USP6NL: variants seen among roughly 807,000 people sequenced by gnomAD.
USP6NL encodes USP6 N-terminal like, also known as USP6 N-terminal-like protein.
A neutral mutation model predicts 61.9 loss-of-function variants in USP6NL; 26 were observed. The ratio of observed to expected loss-of-function variants is 0.42; its 90% CI spans 0.31 to 0.58. The LOEUF (loss-of-function observed/expected upper bound fraction) is 0.58. Ranked by LOEUF, USP6NL falls within the 20% of genes least tolerant of loss-of-function variation. The pLI is 0.16. For synonymous variants in USP6NL, 432 were observed against 390.1 expected, an observed-to-expected ratio of 1.11 and a Z score of -1.27; for missense variants, 1,114 against 1,034.3, an observed-to-expected ratio of 1.08 and a Z score of -1.06.
intron 2 of USP6NL, among the ~76,000 whole-genome samples, chr10:11,551,849 T>C (rs1294579646): frequency 2.0e-5 from 3 of 152,228 alleles, no homozygotes; most frequent in African/African-American, 4.8e-5. Flanking sequence ...TATCAAATTA[T>C]TCTTTGAAAT....
At chr10:11,473,598 C>T (rs1288814465) in intron 14 of USP6NL, among the ~76,000 whole-genome samples, 1 of 152,154 alleles carries the variant, frequency 6.6e-6, no homozygotes, top group African/African-American at 2.4e-5. Flanking sequence ...CCGATTAGAG[C>T]TGTGAGCTGC....
At chr10:11,604,681 C>T (rs764935605) in intron 1 of USP6NL, among the ~76,000 whole-genome samples, 33 of 152,098 alleles carry the variant, frequency 2.2e-4, no homozygotes, top group Non-Finnish European at 2.9e-4. Context: ...CTCAGTATCT[C>T]CAAAGAACAA....
At chr10:11,555,433 A>AAAATATATATATATATAT (rs1275798295) in intron 2 of USP6NL, among the ~76,000 whole-genome samples, 1 of 49,030 alleles carries the variant, frequency 2.0e-5, no homozygotes, top group African/African-American at 9.4e-5. Context: ...AAAAAAAAAA[A>AAAATATATATATATATAT]ATATATATAT....
chr10:11,566,370 C>T (rs1837157193), intron 2 of USP6NL, among the ~76,000 whole-genome samples: 1 of 152,206 alleles, frequency 6.6e-6, no homozygotes, highest in African/African-American at 2.4e-5. Context: ...GAACACCACG[C>T]ATATTTGTTT....
At chr10:11,498,663 C>A (rs1320906506) in intron 7 of USP6NL, among the ~76,000 whole-genome samples, 1 of 152,112 alleles carries the variant, frequency 6.6e-6, no homozygotes, top group Non-Finnish European at 1.5e-5. Flanking sequence ...AAAGTAGGTA[C>A]TTTATTTTAA....
chr10:11,463,459 G>A lies in USP6NL; in HGVS notation c.1469C>T (p.Pro490Leu), dbSNP rs773663092. 1.7e-5 allele frequency: 27 copies of A among 1,613,948 alleles called. No homozygotes were observed. The highest frequency in any genetic ancestry group is 3.3e-5 in the Admixed American group (2 of 60,008). ...TCTCTCTGTAGCTGAGACGTCTGAC[G>A]GTTTATTCCATTTGGGCACAAACTC... ...RKEFVPKWNK[P>L]SDVSATERTA... The change falls in exon 15 of 15, where the codon CCG becomes CTG. Residue 490 changes from proline (P) to leucine (L), a missense_variant. By Grantham distance (98) the Pro-to-Leu change is moderately conservative (BLOSUM62 -3). Coordinates refer to ENST00000609104, the MANE Select transcript of USP6NL (RefSeq NM_014688.5). This position sits in a 1 kb window ranked among gnomAD's most constrained non-coding sequence, Gnocchi z 6.3.
chr10:11,469,446 G>A lies in USP6NL; in HGVS notation c.1079-5597C>T, dbSNP rs147573953. On this transcript the variant is annotated intron_variant, in intron 14 of 14. Transcript: ENST00000609104. Reference sequence around the variant, plus strand: ...TAAGAAATTAGATGTAGCAGGGTTCGGGGGGGAAGAAATCCAGTACAGACA... The same window carrying A: ...TAAGAAATTAGATGTAGCAGGGTTCAGGGGGGAAGAAATCCAGTACAGACA... Among the ~76,000 whole-genome samples, 25 of 152,206 alleles carry A rather than the reference G, an allele frequency of 1.6e-4. No homozygotes were observed. In the East Asian group the frequency reaches 2.5e-3, roughly 15 times the overall value.
Position 11,509,605 on chromosome 10 carries a change from T to G in USP6NL, c.266A>C (p.Asn89Thr), listed in dbSNP as rs1201821637. Residue 89 changes from asparagine (N) to threonine (T), a missense_variant, in exon 6 of 15, where the codon AAC (asparagine) becomes ACC (threonine). Coordinates refer to ENST00000609104, the MANE Select transcript of USP6NL (RefSeq NM_014688.5). ...ATGATTTTAAATTACCTTTTCAGTG[T>G]TCTTGTATTTTTCCCATCCTTTCAG... ...KMLKGWEKYK[N>T]TEKFHRRIYK... 6.4e-7 allele frequency: 1 copy of G among 1,559,806 alleles called. No individual in the cohort carries two copies. Among genetic ancestry groups the G allele is most frequent in the Non-Finnish European group, 8.7e-7 (1 of 1,151,018 alleles).
rs560793669 is a variant in USP6NL, at chr10:11,482,076, A to G, written c.926-154T>C. ...GGCATTGAGGACATCATTAAAACTC[A>G]GTAAGACAAAAATATTGCCTGATAT... On this transcript the variant is annotated intron_variant, in intron 13 of 14. Coordinates refer to ENST00000609104, the MANE Select transcript of USP6NL (RefSeq NM_014688.5). The surrounding 1 kb of genome is among the most constrained non-coding windows in gnomAD (Gnocchi z 4.0). Among the ~76,000 whole-genome samples, 1 of 152,378 alleles carries G rather than the reference A, an allele frequency of 6.6e-6. No homozygotes were observed. The highest frequency in any genetic ancestry group is 1.5e-5 in the Non-Finnish European group (1 of 68,040).
intron 6 of USP6NL, among the ~76,000 whole-genome samples, chr10:11,502,958 AT>A (rs1358627314): frequency 6.6e-6 from 1 of 152,198 alleles, no homozygotes; most frequent in African/African-American, 2.4e-5. Flanking sequence ...GACTCGCAAC[AT>A]TTGCCACATG....
rs1566103991 is a variant in USP6NL at position 11,460,655 on chromosome 10, A to ATATAT, written c.*1785_*1786insATATA. The ATATAT allele has an allele frequency of 1.6e-5, 2 of 127,252 alleles. No individual in the cohort carries two copies. Among genetic ancestry groups the ATATAT allele is most frequent in the South Asian group, 2.9e-4 (1 of 3,490 alleles). The allele number at this position is 127,252 out of a possible 1,614,324, so 7.9% of individuals were successfully genotyped here. ...TATATATATATATATATATATATATAAAAATCTACAGTATTTACCACTGTT... is the reference window on the plus strand; with the variant it reads ...TATATATATATATATATATATATATATATATAAAATCTACAGTATTTACCACTGTT... On this transcript the variant is annotated 3_prime_UTR_variant, in exon 15 of 15. Coordinates refer to ENST00000609104, the MANE Select transcript of USP6NL (RefSeq NM_014688.5).
At chr10:11,534,156 G>C (rs1362876962) in intron 2 of USP6NL, among the ~76,000 whole-genome samples, 1 of 152,060 alleles carries the variant, frequency 6.6e-6, no homozygotes, top group Non-Finnish European at 1.5e-5. Flanking sequence ...GGTTTAGCCA[G>C]AATCCCCCTA....
chr10:11,584,864 G>A (rs1837911344), intron 2 of USP6NL, among the ~76,000 whole-genome samples: 1 of 151,958 alleles, frequency 6.6e-6, no homozygotes, highest in African/African-American at 2.4e-5. Context: ...CTTGAGCCAG[G>A]GAGGCAGAGA....
intron 2 of USP6NL, among the ~76,000 whole-genome samples, chr10:11,579,761 G>T (rs1463193255): frequency 1.4e-5 from 2 of 144,964 alleles, no homozygotes; most frequent in South Asian, 2.2e-4. Flanking sequence ...TCCCTCATGG[G>T]GGAGATAGAC....
chr10:11,573,023 C>T (rs967616191), intron 2 of USP6NL, among the ~76,000 whole-genome samples: 6 of 149,170 alleles, frequency 4.0e-5, no homozygotes, highest in African/African-American at 1.2e-4. Flanking sequence ...TCTAGACACA[C>T]GCTATGAATA....
At chr10:11,522,818 C>T (rs1412512327) in intron 4 of USP6NL, among the ~76,000 whole-genome samples, 1 of 152,192 alleles carries the variant, frequency 6.6e-6, no homozygotes, top group African/African-American at 2.4e-5. Flanking sequence ...TTCTGTATTT[C>T]TCTTATTTAA....
intron 2 of USP6NL, among the ~76,000 whole-genome samples, chr10:11,551,481 A>C (rs1467385799): frequency 6.6e-6 from 1 of 152,260 alleles, no homozygotes; most frequent in Non-Finnish European, 1.5e-5. Context: ...AGTGCCCGAC[A>C]TCTAATTGGT....
chr10:11,607,700 AT>A (rs1393319505), intron 1 of USP6NL, among the ~76,000 whole-genome samples: 2 of 152,148 alleles, frequency 1.3e-5, no homozygotes, highest in Non-Finnish European at 2.9e-5. Context: ...AAAGGAAAAA[AT>A]AATAATAATA....
chr10:11,511,168 CCTAA>C lies in USP6NL; in HGVS notation c.196-1497_196-1494del, dbSNP rs1450185430. On this transcript the variant is annotated intron_variant, in intron 5 of 14. Coordinates refer to ENST00000609104, the MANE Select transcript of USP6NL (RefSeq NM_014688.5). This position sits in a 1 kb window ranked among gnomAD's most constrained non-coding sequence, Gnocchi z 4.9. ...GGCATATTCTTAAAACTCTCAATTA[CCTAA>C]CTCTTTTTAAAATTTTTGATGGGTT... Among the ~76,000 whole-genome samples the C allele has an allele frequency of 2.0e-5, 3 of 152,174 alleles. No individual in the cohort carries two copies. The highest frequency in any genetic ancestry group is 1.9e-4 in the East Asian group (1 of 5,204).
Sources: gnomAD v4.1 joint callset for allele counts (sites outside exome capture counted in the v4.1 genomes callset) on GRCh38, gnomAD v4.1.1 for gene constraint, Gnocchi (gnomAD v3.1) non-coding constraint, MANE v1.5 for transcripts, NCBI Gene and HGNC (gene_info 2026-07-23, HGNC 2026-07-21) for gene names.